Variants in NDC1 observed in about 807,000 individuals in gnomAD.
The protein encoded by NDC1 is nucleoporin NDC1.
Under a neutral mutation model 89.8 loss-of-function variants are expected in NDC1, and 24 were observed. The ratio of observed to expected loss-of-function variants is 0.27; its 90% CI spans 0.19 to 0.38. NDC1 has a LOEUF of 0.38. Among genes scored for constraint, NDC1 ranks in the 10% least tolerant of loss-of-function variants. The pLI is 1.00. For synonymous variants in NDC1, 296 were observed against 284.8 expected, an observed-to-expected ratio of 1.04 and a Z score of -0.39; for missense variants, 728 against 797.6, an observed-to-expected ratio of 0.91 and a Z score of 1.05.
At chr1:53,800,332 CTTTTTTT>C (rs1158363485) in intron 11 of NDC1, among the ~76,000 whole-genome samples, 1 of 80,676 alleles carries the variant, frequency 1.2e-5, no homozygotes, top group Non-Finnish European at 2.2e-5. Context: ...CTACAGTCAT[CTTTTTTT>C]TTTTTTTTTT....
At chr1:53,825,602 G>C (rs1281136112) in intron 5 of NDC1, among the ~76,000 whole-genome samples, 196 bp downstream of exon 5, 1 of 152,168 alleles carries the variant, frequency 6.6e-6, no homozygotes, top group Non-Finnish European at 1.5e-5. Flanking sequence ...GGAAAAGGTA[G>C]CTGCAACTCT....
intron 11 of NDC1, among the ~76,000 whole-genome samples, chr1:53,797,633 CCTTTT>C (rs1647764764): frequency 1.3e-5 from 2 of 151,874 alleles, no homozygotes; most frequent in African/African-American, 2.4e-5. Flanking sequence ...CTTTTTCTTT[CCTTTT>C]CTTTTCTTTG....
chr1:53,784,765 TG>T (rs1647264538), intron 16 of NDC1, among the ~76,000 whole-genome samples: 1 of 151,054 alleles, frequency 6.6e-6, no homozygotes, highest in South Asian at 2.1e-4. Context: ...CACTCCAACC[TG>T]GGCGAAAGAG....
At chr1:53,787,775 T>C (rs866398709) in intron 15 of NDC1, among the ~76,000 whole-genome samples, 18 of 150,468 alleles carry the variant, frequency 1.2e-4, no homozygotes, top group Admixed American at 2.0e-4. Context: ...GCATTAGTAA[T>C]GAATAAAATA....
chr1:53,783,717 T>C (rs965263200), intron 16 of NDC1, among the ~76,000 whole-genome samples: 2 of 152,216 alleles, frequency 1.3e-5, no homozygotes, highest in Non-Finnish European at 2.9e-5. Flanking sequence ...GGTTTAATAC[T>C]GTGAGTTCGA....
chr1:53,769,828 T>G (rs1018730152), intron 17 of NDC1, among the ~76,000 whole-genome samples: 3 of 152,198 alleles, frequency 2.0e-5, no homozygotes, highest in African/African-American at 7.2e-5. Context: ...ATCAGAAAGA[T>G]TCAGAAGTTA....
chr1:53,838,058 A>G (rs1649297290), intron 1 of NDC1, 147 bp downstream of exon 1: 1 of 706,800 alleles, frequency 1.4e-6, no homozygotes. Context: ...CAACCCTGCA[A>G]TCAGTCCCCC....
chr1:53,832,684 G>GT (rs1649105416), intron 2 of NDC1, 93 bp from the exon 3 acceptor site: 2 of 646,968 alleles, frequency 3.1e-6, no homozygotes, highest in Admixed American at 2.9e-5. Context: ...AACCACAATT[G>GT]TCATTAATTT....
chr1:53,832,804 G>A (rs778200541), intron 2 of NDC1, among the ~76,000 whole-genome samples: 4 of 152,112 alleles, frequency 2.6e-5, no homozygotes, highest in Non-Finnish European at 4.4e-5. Context: ...CACTAAGCCA[G>A]GGAGCTCAAG....
At chr1:53,811,650 C>T (rs1317159450) in intron 6 of NDC1, among the ~76,000 whole-genome samples, 4 of 150,118 alleles carry the variant, frequency 2.7e-5, no homozygotes, top group Non-Finnish European at 5.9e-5. Flanking sequence ...ACTCGCCTAT[C>T]CCCACCCCCA....
At chr1:53,829,232 G>A (rs1292508312) in intron 3 of NDC1, among the ~76,000 whole-genome samples, 1 of 152,090 alleles carries the variant, frequency 6.6e-6, no homozygotes. Flanking sequence ...TAAGTATGAA[G>A]GGACAAGTTT....
chr1:53,785,126 T>C (rs1647273611), intron 16 of NDC1, among the ~76,000 whole-genome samples: 1 of 152,128 alleles, frequency 6.6e-6, no homozygotes, highest in South Asian at 2.1e-4. Context: ...CCCTCATCTA[T>C]TAAAAAAGGG....
At chr1:53,836,168 G>A (rs1479818329) in intron 1 of NDC1, among the ~76,000 whole-genome samples, 4 of 152,268 alleles carry the variant, frequency 2.6e-5, no homozygotes, top group African/African-American at 9.6e-5. Flanking sequence ...GGTAAAACAT[G>A]TCTGTTTACT....
chr1:53,809,186 T>G (rs1341176145), intron 7 of NDC1, among the ~76,000 whole-genome samples: 1 of 152,120 alleles, frequency 6.6e-6, no homozygotes, highest in Non-Finnish European at 1.5e-5. Flanking sequence ...AGAGAAGGAA[T>G]GATTGTTGGG....
intron 9 of NDC1, among the ~76,000 whole-genome samples, chr1:53,804,730 G>A (rs1191770018): frequency 6.6e-6 from 1 of 151,684 alleles, no homozygotes; most frequent in African/African-American, 2.4e-5. Flanking sequence ...ACCTGCCTTG[G>A]CCTCCCAAAG....
chr1:53,767,890 C>G lies in NDC1; in HGVS notation c.*80G>C. ...AAGCATCTAATTAGTCCGTTTTCTT[C>G]TGATCCAAGAATGCTGAACATTTAC... is the stretch of plus-strand genomic sequence containing the variant. On this transcript the variant is annotated 3_prime_UTR_variant, in exon 18 of 18. Coordinates refer to ENST00000371429, the MANE Select transcript of NDC1 (RefSeq NM_018087.5). 1.1e-6 allele frequency: 1 copy of G among 883,276 alleles called. No homozygotes were observed. Among genetic ancestry groups the G allele is most frequent in the South Asian group, 1.9e-5 (1 of 53,816 alleles). The allele number at this position is 883,276 out of a possible 1,614,324, so 54.7% of individuals were successfully genotyped here. A position where few individuals can be genotyped will look rare whatever the true frequency, so the allele number is the denominator to read the frequency against.
At chr1:53,834,572 T>C (rs1181204) in intron 2 of NDC1, among the ~76,000 whole-genome samples, 2,496 of 152,264 alleles carry the variant, frequency 0.016, 75 homozygotes, top group African/African-American at 0.056. Flanking sequence ...AAGACCAATT[T>C]TCAATCCTAA....
At chr1:53,776,012 T>C (rs1236945768) in intron 16 of NDC1, among the ~76,000 whole-genome samples, 1 of 151,250 alleles carries the variant, frequency 6.6e-6, no homozygotes, top group Non-Finnish European at 1.5e-5. Flanking sequence ...TGGAGTGCAG[T>C]GGCACGATCT....
At chr1:53,838,142 G>T (rs2100703398) in intron 1 of NDC1, 63 bp downstream of exon 1, 1 of 1,473,836 alleles carries the variant, frequency 6.8e-7, no homozygotes, top group South Asian at 1.2e-5. Flanking sequence ...GCGCACGCGC[G>T]ATCAGAGCTT....
Sources: allele counts gnomAD v4.1 joint callset (sites outside exome capture counted in the v4.1 genomes callset), GRCh38; gene constraint gnomAD v4.1.1; transcripts MANE v1.5; gene names NCBI Gene and HGNC (gene_info 2026-07-23, HGNC 2026-07-21).